Variants in MYO15A observed in about 807,000 individuals in gnomAD.
MYO15A encodes unconventional myosin-XV.
A neutral mutation model predicts 394.6 loss-of-function variants in MYO15A; 308 were observed. That is an observed-to-expected ratio of 0.78 (90% CI 0.71 to 0.86). The LOEUF (loss-of-function observed/expected upper bound fraction) is 0.86. Among genes scored for constraint, MYO15A ranks in the 40% least tolerant of loss-of-function variants. The probability of loss-of-function intolerance (pLI) is 0.00; values close to 1 mark genes in which losing one functional copy is unlikely to be tolerated. For synonymous variants in MYO15A, 1,957 were observed against 2,003.8 expected, an observed-to-expected ratio of 0.98 and a Z score of 0.62; for missense variants, 4,606 against 4,799.1, an observed-to-expected ratio of 0.96 and a Z score of 1.19.
At chr17:18,136,531 T>C (rs1387417433) in intron 14 of MYO15A, 32 bp from the exon 15 acceptor site, 1 of 1,613,896 alleles carries the variant, frequency 6.2e-7, no homozygotes, top group Non-Finnish European at 8.5e-7. Flanking sequence ...CACCACGGTG[T>C]CCTGCTCACA....
In MYO15A at chr17:18,148,334, G is replaced by C; in HGVS notation, c.6691+124G>C. On this transcript the variant is annotated intron_variant, in intron 31 of 65. Coordinates refer to ENST00000647165, the MANE Select transcript of MYO15A (RefSeq NM_016239.4). This position sits in a 1 kb window ranked among gnomAD's most constrained non-coding sequence, Gnocchi z 4.8. ...GAGGGGCCTTCTCAGATGTGGCTCT[G>C]CGTGAAAGTCTGTGTGTGGGGGTGG... The C allele has an allele frequency of 6.7e-7, 1 of 1,483,328 alleles. No individual in the cohort carries two copies. The highest frequency in any genetic ancestry group is 2.5e-5 in the East Asian group (1 of 40,718). The allele number at this position is 1,483,328 out of a possible 1,614,324, so 91.9% of individuals were successfully genotyped here.
At chr17:18,155,041 T>C in intron 45 of MYO15A, 69 bp from the exon 46 acceptor site, 1 of 1,458,874 alleles carries the variant, frequency 6.9e-7, no homozygotes, top group Non-Finnish European at 9.5e-7. Context: ...CCTCCCTCCC[T>C]GACATCCCCG....
At chr17:18,160,637 T>C (rs901672508) in intron 56 of MYO15A, 4 of 195,762 alleles carry the variant, frequency 2.0e-5, no homozygotes, top group Non-Finnish European at 4.3e-5. Context: ...GGTGTTCACA[T>C]TGACCAAACC....
In MYO15A at chr17:18,150,907, C is replaced by T. The variant is rs146973735; in HGVS notation, c.7467C>T (p.Pro2489=). The change falls in exon 38 of 66, where the codon CCC becomes CCT. Residue 2489 remains proline, a synonymous_variant. Transcript: ENST00000647165. This position sits in a 1 kb window ranked among gnomAD's most constrained non-coding sequence, Gnocchi z 4.4. ...TGAGTGCTGCCCTGAGATCCTTGCCCGCAGAGGTGAGCCTGGCCTGCCCAG... is the reference window on the plus strand; with the variant it reads ...TGAGTGCTGCCCTGAGATCCTTGCCTGCAGAGGTGAGCCTGGCCTGCCCAG... ...QPLSAALRSL[P]AEKPPAPEAQ... 193 of 1,601,568 alleles carry T rather than the reference C, an allele frequency of 1.2e-4. No homozygotes were observed. The African/African-American group carries it at 1.9e-3, about 16-fold the overall frequency.
Position 18,162,602 on chromosome 17 carries a change from G to T in MYO15A, c.9535G>T (p.Glu3179Ter). 6.2e-7 allele frequency: 1 copy of T among 1,614,036 alleles called. No individual in the cohort carries two copies. Among genetic ancestry groups the T allele is most frequent in the South Asian group, 1.1e-5 (1 of 91,078 alleles). The part of the protein sequence containing the change: ...LPFQGIAKAC[E>*]QNLQKTLRFG... ...TTCTGCAGGGATCGCCAAGGCCTGC[G>T]AGCAGAACCTGCAGAAAACCTTGCG... Residue 3179 changes from glutamate to a stop codon, truncating the protein, a stop_gained, in exon 58 of 66, where the codon GAG (glutamate) becomes TAG (stop). Coordinates refer to ENST00000647165, the MANE Select transcript of MYO15A (RefSeq NM_016239.4). LOFTEE classifies it high-confidence loss of function.
chr17:18,126,269 AG>A lies in MYO15A; in HGVS notation c.3757-76del, dbSNP rs979840218. 1.4e-5 allele frequency: 17 copies of A among 1,195,304 alleles called. No individual in the cohort carries two copies. In the African/African-American group the frequency reaches 2.6e-4, roughly 18 times the overall value. 74.0% of individuals were successfully genotyped at this position (1,195,304 alleles called of 1,614,324 possible). On this transcript the variant is annotated intron_variant, in intron 4 of 65. Coordinates refer to ENST00000647165, the MANE Select transcript of MYO15A (RefSeq NM_016239.4). ...TCTGTCCGGATGGAAACAGGGAGCC[AG>A]GCTCCCAGCATAGGGGAGGGAGGGA...
intron 62 of MYO15A, 108 bp downstream of exon 62, chr17:18,167,831 T>C (rs1367347772): frequency 1.3e-6 from 2 of 1,503,948 alleles, no homozygotes; most frequent in African/African-American, 2.8e-5. Context: ...CAGGCTCCCC[T>C]CTTATACCAG....
At position 18,131,336 on chromosome 17, in the gene MYO15A, T is replaced by C. The variant is rs941346009; in HGVS notation, c.4136T>C (p.Leu1379Pro). The C allele has an allele frequency of 3.1e-6, 5 of 1,614,124 alleles. No homozygotes were observed. The highest frequency in any genetic ancestry group is 4.2e-6 in the Non-Finnish European group (5 of 1,179,998). The change falls in exon 9 of 66, where the codon CTG becomes CCG. Residue 1379 changes from leucine to proline, a missense_variant. Leu to Pro is a moderately conservative substitution (Grantham distance 98). Around this residue, in one of 2 missense-constraint regions of MYO15A, gnomAD observed 2,776 missense variants for 3,109.3 expected, o/e 0.89. Coordinates refer to ENST00000647165, the MANE Select transcript of MYO15A (RefSeq NM_016239.4). ...SRFGKFVEIF[L>P]EGGVISGAIT... is the part of the protein sequence containing the mutation. Reference sequence around the variant, plus strand: ...TTTGGGAAGTTTGTGGAAATCTTTCTGGAAGGGTGAGTTGGGACAGTGGAG... The same window carrying C: ...TTTGGGAAGTTTGTGGAAATCTTTCCGGAAGGGTGAGTTGGGACAGTGGAG...
Position 18,120,541 on chromosome 17 carries a change from T to C in MYO15A, c.1741T>C (p.Ser581Pro), listed in dbSNP as rs748340708. The change falls in exon 2 of 66, where the codon TCG becomes CCG. Residue 581 changes from serine to proline, a missense_variant. Around this residue, in one of 2 missense-constraint regions of MYO15A, gnomAD observed 1,830 missense variants for 1,689.7 expected, o/e 1.08. Coordinates refer to ENST00000647165, the MANE Select transcript of MYO15A (RefSeq NM_016239.4). ...TGCGCGGTTCCTCAAGAAGACGCTGTCGGAGAAGAAGCCCATCGCGCGGCT... is the reference window on the plus strand; with the variant it reads ...TGCGCGGTTCCTCAAGAAGACGCTGCCGGAGAAGAAGCCCATCGCGCGGCT... ...SLARFLKKTLSEKKPIARLRG... is the reference protein window; with the variant it reads ...SLARFLKKTLPEKKPIARLRG... 6.9e-6 allele frequency: 11 copies of C among 1,595,982 alleles called. No homozygotes were observed. Among genetic ancestry groups the C allele is most frequent in the Non-Finnish European group, 9.4e-6 (11 of 1,173,802 alleles).
chr17:18,118,177 A>G (rs1208101668), intron 1 of MYO15A, among the ~76,000 whole-genome samples: 1 of 152,132 alleles, frequency 6.6e-6, no homozygotes, highest in Non-Finnish European at 1.5e-5. Flanking sequence ...CCTGAGAGCC[A>G]GCCAGCTCCT....
chr17:18,126,813 C>G lies in MYO15A; in HGVS notation c.3889C>G (p.Leu1297Val). Reference sequence around the variant, plus strand: ...CAGGCACCTCTTTGCTGTTGCAAATCTCGCCTTCGCCAAAATGCTCGATGC... The same window carrying G: ...CAGGCACCTCTTTGCTGTTGCAAATGTCGCCTTCGCCAAAATGCTCGATGC... Reference protein sequence around the residue: ...NPPHLFAVANLAFAKMLDAKQ... With the variant: ...NPPHLFAVANVAFAKMLDAKQ... Residue 1297 changes from leucine (L) to valine (V), a missense_variant, in exon 6 of 66, where the codon CTC becomes GTC. Coordinates refer to ENST00000647165, the MANE Select transcript of MYO15A (RefSeq NM_016239.4). 6.2e-7 allele frequency: 1 copy of G among 1,613,748 alleles called. No individual in the cohort carries two copies. Among genetic ancestry groups the G allele is most frequent in the South Asian group, 1.1e-5 (1 of 91,070 alleles).
rs1465385672 is a variant in MYO15A at position 18,120,731 on chromosome 17, CGCCCGCGCCACA to C, written c.1941_1952del (p.Gln648_Pro651del). On this transcript the variant is annotated inframe_deletion, in exon 2 of 66. Transcript: ENST00000647165. ...CGCAGCAGCAACGACGCGCGCCGCC[CGCCCGCGCCACA>C]GCCCGCGCCCAGGACCCTCTCCCAC... 46 of 1,475,846 alleles carry C rather than the reference CGCCCGCGCCACA, an allele frequency of 3.1e-5. No individual in the cohort carries two copies. Among genetic ancestry groups the C allele is most frequent in the Non-Finnish European group, 3.9e-5 (44 of 1,124,174 alleles). The allele number at this position is 1,475,846 out of a possible 1,614,324, so 91.4% of individuals were successfully genotyped here. A position where few individuals can be genotyped will look rare whatever the true frequency, so the allele number is the denominator to read the frequency against.
intron 64 of MYO15A, among the ~76,000 whole-genome samples, chr17:18,173,028 G>A (rs2046964421): frequency 6.6e-6 from 1 of 152,176 alleles, no homozygotes. Context: ...GGAAACACTG[G>A]AGTGAGGAAG....
In MYO15A at chr17:18,124,587, G is replaced by A. The variant is rs1252650436; in HGVS notation, c.3692+22G>A. 18 of 1,610,562 alleles carry A rather than the reference G, an allele frequency of 1.1e-5. No homozygotes were observed. In the Admixed American group the frequency reaches 2.5e-4, roughly 22 times the overall value. ...TGGAGTGAGTGGGCAGGGCCGGCGG[G>A]GTCAGCAAGGGGTCACCATGGGGTC... On this transcript the variant is annotated intron_variant, in intron 3 of 65. Coordinates refer to ENST00000647165, the MANE Select transcript of MYO15A (RefSeq NM_016239.4).
rs193108131 is a variant in MYO15A at position 18,170,215 on chromosome 17, C to G, written c.10083-1423C>G. ...CTAATGTGATGAAAATGATTTTCAA[C>G]CCCCTCGACCACACTTTGAGAACCC... On this transcript the variant is annotated intron_variant, in intron 62 of 65. Coordinates refer to ENST00000647165, the MANE Select transcript of MYO15A (RefSeq NM_016239.4). 7.2e-5 allele frequency among the ~76,000 whole-genome samples: 11 copies of G among 152,112 alleles called. No individual in the cohort carries two copies. The South Asian group carries it at 1.7e-3, about 23-fold the overall frequency.
intron 1 of MYO15A, 96 bp from the exon 2 acceptor site, chr17:18,118,486 A>G: frequency 2.3e-6 from 1 of 427,842 alleles, no homozygotes; most frequent in Non-Finnish European, 4.3e-6. Context: ...TGCCATGACG[A>G]CTCCGAGGCC....
chr17:18,130,939 T>A (rs2046149911), intron 8 of MYO15A, 129 bp downstream of exon 8: 2 of 1,036,456 alleles, frequency 1.9e-6, no homozygotes, highest in Admixed American at 4.0e-5. Context: ...GGAAAGGACA[T>A]CCAAAGGCCT....
Position 18,120,240 on chromosome 17 carries a change from C to G in MYO15A, c.1440C>G (p.Phe480Leu). 1 of 1,612,320 alleles carries G rather than the reference C, an allele frequency of 6.2e-7. No individual in the cohort carries two copies. The highest frequency in any genetic ancestry group is 8.5e-7 in the Non-Finnish European group (1 of 1,179,696). The change falls in exon 2 of 66, where the codon TTC becomes TTG. Residue 480 changes from phenylalanine to leucine, a missense_variant. Physicochemically the swap from Phe to Leu is conservative, Grantham distance 22. This residue lies in a region of MYO15A where 1,830 missense variants were observed against 1,689.7 expected (regional missense o/e 1.08). Transcript: ENST00000647165. Reference protein sequence around the residue: ...KLSLIRKFRLFPRPQVKLFGK... With the variant: ...KLSLIRKFRLLPRPQVKLFGK... Reference sequence around the variant, plus strand: ...CCCTCATCCGCAAGTTCCGCCTCTTCCCGCGACCCCAGGTGAAGCTGTTTG... The same window carrying G: ...CCCTCATCCGCAAGTTCCGCCTCTTGCCGCGACCCCAGGTGAAGCTGTTTG...
rs748108031 is a variant in MYO15A, at chr17:18,125,232, G to T, written c.3756+1G>T. Reference sequence around the variant, plus strand: ...TAGATTTGAACGGAACCTCATCTACGTAAGGCCTGGGGCTGGCCCTGCCCT... The same window carrying T: ...TAGATTTGAACGGAACCTCATCTACTTAAGGCCTGGGGCTGGCCCTGCCCT... On this transcript the variant is annotated splice_donor_variant, in intron 4 of 65. Transcript: ENST00000647165. LOFTEE classifies it high-confidence loss of function. 1 of 1,613,922 alleles carries T rather than the reference G, an allele frequency of 6.2e-7. No homozygotes were observed. The highest frequency in any genetic ancestry group is 8.5e-7 in the Non-Finnish European group (1 of 1,179,998).
Sources: allele counts gnomAD v4.1 joint callset (sites outside exome capture counted in the v4.1 genomes callset), GRCh38; gene constraint gnomAD v4.1.1; regional missense constraint gnomAD v4.1.1; non-coding constraint Gnocchi (gnomAD v3.1); transcripts MANE v1.5; gene names NCBI Gene and HGNC (gene_info 2026-07-23, HGNC 2026-07-21).